TAFA5: variants seen among roughly 807,000 people sequenced by gnomAD.
TAFA5 encodes TAFA chemokine like family member 5.
Under a neutral mutation model 15.3 loss-of-function variants are expected in TAFA5, and 6 were observed. The observed-to-expected ratio is 0.39, with a 90% confidence interval of 0.21 to 0.77. The LOEUF (loss-of-function observed/expected upper bound fraction) is 0.77, where lower values mean the gene tolerates loss of function less well. TAFA5 is among the 30% of genes least tolerant of loss of function. The pLI is 0.41. For missense variants in TAFA5, 161 were observed against 193.1 expected (o/e 0.83, Z 0.98); for synonymous variants, 103 against 80.7 (o/e 1.28, Z -1.48).
chr22:48,610,660 T>C (rs537104072), intron 1 of TAFA5, among the ~76,000 whole-genome samples: 1 of 151,634 alleles, frequency 6.6e-6, no homozygotes, highest in South Asian at 2.1e-4. Context: ...CGTGTTGAGC[T>C]GTCAGCGTTG....
At chr22:48,567,924 A>C (rs1481138290) in intron 1 of TAFA5, among the ~76,000 whole-genome samples, 1 of 152,148 alleles carries the variant, frequency 6.6e-6, no homozygotes, top group East Asian at 1.9e-4. Flanking sequence ...GCTGCACTGG[A>C]GTGGCCTGCA....
intron 3 of TAFA5, among the ~76,000 whole-genome samples, chr22:48,749,197 G>T (rs977713595): frequency 1.3e-5 from 2 of 152,198 alleles, no homozygotes; most frequent in African/African-American, 4.8e-5. Flanking sequence ...GCCTGGAGTG[G>T]ACCCTCCCTC....
intron 2 of TAFA5, among the ~76,000 whole-genome samples, chr22:48,687,845 G>A (rs556145914): frequency 7.2e-5 from 11 of 152,252 alleles, no homozygotes; most frequent in South Asian, 4.2e-4. Flanking sequence ...CCCTGAGTGC[G>A]GCTCCACCAG....
At chr22:48,699,380 A>G (rs1928832428) in intron 2 of TAFA5, among the ~76,000 whole-genome samples, 2 of 152,198 alleles carry the variant, frequency 1.3e-5, no homozygotes. Flanking sequence ...GGCCTATTTA[A>G]AAGCAAACAC....
At chr22:48,554,341 TTTAC>T (rs770703167) in intron 1 of TAFA5, among the ~76,000 whole-genome samples, 91 of 152,336 alleles carry the variant, frequency 6.0e-4, no homozygotes, top group Non-Finnish European at 1.0e-3. Context: ...AGCTTTCCCA[TTTAC>T]TTCTCTTTCT....
At chr22:48,558,574 A>C (rs1923118403) in intron 1 of TAFA5, among the ~76,000 whole-genome samples, 2 of 152,188 alleles carry the variant, frequency 1.3e-5, no homozygotes, top group South Asian at 4.1e-4. Flanking sequence ...GCGTGGCCTC[A>C]GGAGCCGTGG....
At chr22:48,675,103 G>A (rs113114335) in intron 2 of TAFA5, among the ~76,000 whole-genome samples, 1 of 152,076 alleles carries the variant, frequency 6.6e-6, no homozygotes, top group African/African-American at 2.4e-5. Flanking sequence ...CACCACACAC[G>A]GCTAATTTTT....
intron 1 of TAFA5, among the ~76,000 whole-genome samples, chr22:48,635,317 G>A (rs1485569243): frequency 6.6e-6 from 1 of 152,224 alleles, no homozygotes; most frequent in Non-Finnish European, 1.5e-5. Context: ...AGGGGCCTGG[G>A]GGCAGGCAGC....
At chr22:48,734,994 G>A (rs9628524) in intron 3 of TAFA5, among the ~76,000 whole-genome samples, 10,142 of 152,270 alleles carry the variant, frequency 0.067, 975 homozygotes, top group African/African-American at 0.22. Flanking sequence ...GAGGAAGAAC[G>A]CTGCGATTGT....
intron 2 of TAFA5, among the ~76,000 whole-genome samples, chr22:48,706,731 T>A (rs184960172): frequency 3.2e-4 from 48 of 152,330 alleles, no homozygotes; most frequent in African/African-American, 1.1e-3. Flanking sequence ...TGTTTGTAGG[T>A]CCAATTTTTA....
chr22:48,651,783 G>A (rs12485211), intron 2 of TAFA5, among the ~76,000 whole-genome samples: 21,675 of 152,172 alleles, frequency 0.14, 1,808 homozygotes, highest in Admixed American at 0.26. Flanking sequence ...TCCACCCCAC[G>A]TCCACAGCCC....
chr22:48,714,059 G>C (rs551009615), intron 3 of TAFA5, among the ~76,000 whole-genome samples: 1 of 152,226 alleles, frequency 6.6e-6, no homozygotes, highest in African/African-American at 2.4e-5. Flanking sequence ...GTGCGTTCCC[G>C]TGCCAGGCCC....
At chr22:48,699,418 G>C (rs746476522) in intron 2 of TAFA5, among the ~76,000 whole-genome samples, 6 of 152,118 alleles carry the variant, frequency 3.9e-5, no homozygotes, top group Non-Finnish European at 8.8e-5. Context: ...AACATTTAAA[G>C]TTGCAGCACG....
At chr22:48,725,695 C>T (rs896373478) in intron 3 of TAFA5, among the ~76,000 whole-genome samples, 1 of 137,970 alleles carries the variant, frequency 7.2e-6, no homozygotes, top group Non-Finnish European at 1.6e-5. Flanking sequence ...GATAAGGAGA[C>T]TAATCTTAAA....
At chr22:48,522,426 G>A (rs1298367184) in intron 1 of TAFA5, among the ~76,000 whole-genome samples, 1 of 152,186 alleles carries the variant, frequency 6.6e-6, no homozygotes, top group African/African-American at 2.4e-5. Flanking sequence ...CGGCCCCAGG[G>A]CTTGGCTCTG....
Position 48,552,479 on chromosome 22 carries a change from C to T in TAFA5, c.112+62775C>T, listed in dbSNP as rs773148227. Among the ~76,000 whole-genome samples the T allele has an allele frequency of 3.9e-5, 6 of 152,132 alleles. No homozygotes were observed. The highest frequency in any genetic ancestry group is 6.5e-5 in the Admixed American group (1 of 15,280). ...CCTTATGAGCGTGTACATCCTCTCT[C>T]GGGGTCCTGCAGGCCACGAGGTGGG... On this transcript the variant is annotated intron_variant, in intron 1 of 3. Coordinates refer to ENST00000402357, the MANE Select transcript of TAFA5 (RefSeq NM_001082967.3). This position sits in a 1 kb window ranked among gnomAD's most constrained non-coding sequence, Gnocchi z 4.1.
chr22:48,697,427 G>A (rs1313703521), intron 2 of TAFA5, among the ~76,000 whole-genome samples: 1 of 149,620 alleles, frequency 6.7e-6, no homozygotes, highest in Non-Finnish European at 1.5e-5. Flanking sequence ...ACAAGGATGA[G>A]GAAGATGATG....
At chr22:48,648,333 C>T (rs114312605) in intron 2 of TAFA5, among the ~76,000 whole-genome samples, 2,192 of 152,250 alleles carry the variant, frequency 0.014, 59 homozygotes, top group African/African-American at 0.05. Flanking sequence ...TGTGGGGGCT[C>T]CGGATGCCCA....
intron 3 of TAFA5, among the ~76,000 whole-genome samples, chr22:48,743,620 T>C (rs1930243851): frequency 6.6e-6 from 1 of 152,096 alleles, no homozygotes; most frequent in Non-Finnish European, 1.5e-5. Context: ...GGCTGCCAGG[T>C]GCGTCCTCAT....
Sources: allele counts gnomAD v4.1 joint callset (sites outside exome capture counted in the v4.1 genomes callset), GRCh38; gene constraint gnomAD v4.1.1; non-coding constraint Gnocchi (gnomAD v3.1); transcripts MANE v1.5; gene names NCBI Gene and HGNC (gene_info 2026-07-23, HGNC 2026-07-21).